ANKH: variants seen among roughly 807,000 people sequenced by gnomAD.
ANKH encodes ANKH inorganic pyrophosphate transport regulator.
In ANKH, 15 loss-of-function variants were observed where a neutral mutation model predicts 49.0. That is an observed-to-expected ratio of 0.31 (90% CI 0.20 to 0.47). ANKH has a LOEUF of 0.47. Among genes scored for constraint, ANKH ranks in the 20% least tolerant of loss-of-function variants. ANKH has a pLI of 1.00. For missense variants in ANKH, 429 were observed against 652.0 expected, an observed-to-expected ratio of 0.66 and a Z score of 3.72; for synonymous variants, 273 against 260.0, an observed-to-expected ratio of 1.05 and a Z score of -0.48.
intron 1 of ANKH, among the ~76,000 whole-genome samples, chr5:14,861,219 T>C (rs1735480147): frequency 1.3e-5 from 2 of 152,162 alleles, no homozygotes; most frequent in South Asian, 4.1e-4. Context: ...CCTCCAAGAC[T>C]CCAAGCACAT....
At chr5:14,727,054 G>A (rs1357905332) in intron 8 of ANKH, among the ~76,000 whole-genome samples, 1 of 152,188 alleles carries the variant, frequency 6.6e-6, no homozygotes, top group African/African-American at 2.4e-5. Context: ...GTGGGGACAC[G>A]GGAAGGAGTT....
intron 8 of ANKH, among the ~76,000 whole-genome samples, chr5:14,724,932 G>T (rs1318360723): frequency 6.6e-6 from 1 of 152,170 alleles, no homozygotes; most frequent in African/African-American, 2.4e-5. Context: ...ACCAGAATTA[G>T]CAGTACATGA....
At chr5:14,729,377 G>A (rs773402970) in intron 8 of ANKH, among the ~76,000 whole-genome samples, 21 of 151,500 alleles carry the variant, frequency 1.4e-4, no homozygotes, top group Middle Eastern at 3.4e-3. Context: ...TAGTAGAGAC[G>A]GGGTTTCACC....
At chr5:14,831,182 G>C (rs1741495230) in intron 1 of ANKH, among the ~76,000 whole-genome samples, 1 of 152,084 alleles carries the variant, frequency 6.6e-6, no homozygotes. Context: ...CTTGGAGAGT[G>C]ACAGGGAGCC....
In ANKH at chr5:14,743,135, C is replaced by A. The variant is rs139876126; in HGVS notation, c.916-1213G>T. Among the ~76,000 whole-genome samples the A allele has an allele frequency of 1.9e-4, 29 of 152,330 alleles. No homozygotes were observed. In the South Asian group the frequency reaches 6.0e-3, roughly 32 times the overall value. Reference sequence around the variant, plus strand: ...CAGCACCAACCTCTGAATGAGTATACGTTTTCTTAATTCTAGTCTCTAAAA... The same window carrying A: ...CAGCACCAACCTCTGAATGAGTATAAGTTTTCTTAATTCTAGTCTCTAAAA... On this transcript the variant is annotated intron_variant, in intron 7 of 11. Coordinates refer to ENST00000284268, the MANE Select transcript of ANKH (RefSeq NM_054027.6).
chr5:14,810,205 T>A (rs1438232304), intron 1 of ANKH, among the ~76,000 whole-genome samples: 1 of 151,772 alleles, frequency 6.6e-6, no homozygotes, highest in African/African-American at 2.4e-5. Context: ...TCACCCAGGC[T>A]GGAGTGCAGT....
In ANKH at chr5:14,713,445, G is replaced by A; in HGVS notation, c.1265+99C>T. On this transcript the variant is annotated intron_variant, in intron 10 of 11. Transcript: ENST00000284268. The surrounding 1 kb of genome is among the most constrained non-coding windows in gnomAD (Gnocchi z 4.4). The stretch of plus-strand genomic sequence containing the variant: ...TCATTCTGAATTTCCGATTCTAGAC[G>A]TGCCTGGGGATTTCCCCTGAAAATG... The A allele has an allele frequency of 2.0e-6, 3 of 1,504,024 alleles. No individual in the cohort carries two copies. Among genetic ancestry groups the A allele is most frequent in the African/African-American group, 1.4e-5 (1 of 72,296 alleles). 93.2% of individuals were successfully genotyped at this position (1,504,024 alleles called of 1,614,324 possible). A position where few individuals can be genotyped will look rare whatever the true frequency, so the allele number is the denominator to read the frequency against.
In ANKH at chr5:14,861,814, G is replaced by T. The variant is rs2126632139; in HGVS notation, c.96+9538C>A. 2.0e-5 allele frequency among the ~76,000 whole-genome samples: 3 copies of T among 152,326 alleles called. No individual in the cohort carries two copies. In the South Asian group the frequency reaches 6.2e-4, roughly 32 times the overall value. ...AACTAGGGACAAAGCTGGTCAGTCT[G>T]TCCCTAGGGACCCTGAACCAGATGT... is the stretch of plus-strand genomic sequence containing the variant. On this transcript the variant is annotated intron_variant, in intron 1 of 11. Coordinates refer to ENST00000284268, the MANE Select transcript of ANKH (RefSeq NM_054027.6).
At position 14,741,807 on chromosome 5, in the gene ANKH, G is replaced by T. The variant is rs1395786745; in HGVS notation, c.1011+20C>A. On this transcript the variant is annotated intron_variant, in intron 8 of 11. Transcript: ENST00000284268. ...AAAAACCAAACAGAGAGAAGAGGCA[G>T]AGAGAGCCTCTGTCCTTACCGTGAG... is the stretch of plus-strand genomic sequence containing the variant. The T allele has an allele frequency of 1.3e-6, 2 of 1,597,046 alleles. No individual in the cohort carries two copies.
chr5:14,732,930 G>A (rs145445847), intron 8 of ANKH, among the ~76,000 whole-genome samples: 337 of 152,228 alleles, frequency 2.2e-3, no homozygotes, highest in African/African-American at 7.8e-3. Flanking sequence ...CACATACAGG[G>A]CAGTTAGATG....
At chr5:14,754,979 G>C (rs1738835115) in intron 4 of ANKH, among the ~76,000 whole-genome samples, 1 of 151,558 alleles carries the variant, frequency 6.6e-6, no homozygotes, top group Non-Finnish European at 1.5e-5. Context: ...AGGAGGCTGA[G>C]GCAGGAGAAT....
At chr5:14,829,329 T>G (rs1741440435) in intron 1 of ANKH, among the ~76,000 whole-genome samples, 1 of 152,178 alleles carries the variant, frequency 6.6e-6, no homozygotes, top group Non-Finnish European at 1.5e-5. Context: ...TATTTTGCTG[T>G]ACAGATGCCT....
intron 1 of ANKH, among the ~76,000 whole-genome samples, chr5:14,848,357 G>C (rs1177593219): frequency 6.6e-6 from 1 of 152,210 alleles, no homozygotes; most frequent in East Asian, 1.9e-4. Flanking sequence ...AGAGCACACA[G>C]ACAGGGACAA....
chr5:14,796,589 GTT>G (rs1223227417), intron 1 of ANKH, among the ~76,000 whole-genome samples: 1 of 151,996 alleles, frequency 6.6e-6, no homozygotes, highest in African/African-American at 2.4e-5. Flanking sequence ...GGAACGTGCT[GTT>G]TTGACTTAAC....
intron 1 of ANKH, chr5:14,868,465 T>C (rs1196379765): frequency 6.6e-6 from 1 of 151,502 alleles, no homozygotes; most frequent in African/African-American, 2.4e-5. Flanking sequence ...TGGTACAGTC[T>C]TGGCTTACTG....
At chr5:14,837,801 G>A (rs2126605893) in intron 1 of ANKH, among the ~76,000 whole-genome samples, 1 of 152,276 alleles carries the variant, frequency 6.6e-6, no homozygotes, top group East Asian at 1.9e-4. Context: ...TATAAATCAT[G>A]CTGCTATAAA....
intron 8 of ANKH, among the ~76,000 whole-genome samples, chr5:14,730,293 T>C (rs1328667602): frequency 6.6e-6 from 1 of 151,818 alleles, no homozygotes; most frequent in Non-Finnish European, 1.5e-5. Context: ...ACAAAGAGAG[T>C]GGCCATGGTT....
intron 1 of ANKH, among the ~76,000 whole-genome samples, chr5:14,824,953 T>C (rs1741297028): frequency 6.6e-6 from 1 of 152,152 alleles, no homozygotes; most frequent in Admixed American, 6.5e-5. Flanking sequence ...GATCTAGAGG[T>C]AAAAGGCAAG....
chr5:14,713,483 C>T lies in ANKH; in HGVS notation c.1265+61G>A, dbSNP rs1737318395. 18 of 1,605,768 alleles carry T rather than the reference C, an allele frequency of 1.1e-5. No individual in the cohort carries two copies. Among genetic ancestry groups the T allele is most frequent in the Non-Finnish European group, 1.5e-5 (18 of 1,175,102 alleles). ...TCCCCTGAAAATGTAGCTGTTAAAC[C>T]TCTGGACACAGTATTGAAGTGGCAG... is the stretch of plus-strand genomic sequence containing the variant. On this transcript the variant is annotated intron_variant, in intron 10 of 11. Transcript: ENST00000284268. This position sits in a 1 kb window ranked among gnomAD's most constrained non-coding sequence, Gnocchi z 4.4.
Sources: allele counts gnomAD v4.1 joint callset (sites outside exome capture counted in the v4.1 genomes callset), GRCh38; gene constraint gnomAD v4.1.1; non-coding constraint Gnocchi (gnomAD v3.1); transcripts MANE v1.5; gene names NCBI Gene and HGNC (gene_info 2026-07-23, HGNC 2026-07-21).